Variants in DLC1 observed in about 807,000 individuals in gnomAD.
DLC1 encodes the protein rho GTPase-activating protein 7.
A neutral mutation model predicts 140.3 loss-of-function variants in DLC1; 54 were observed. The observed-to-expected ratio is 0.38, with a 90% CI of 0.31 to 0.48. DLC1 has a LOEUF of 0.48. DLC1 is among the 20% of genes least tolerant of loss of function. DLC1 has a pLI of 0.96. For synonymous variants in DLC1, 986 were observed against 728.1 expected, an observed-to-expected ratio of 1.35 and a Z score of -5.70; for missense variants, 2,536 against 1,907.0, an observed-to-expected ratio of 1.33 and a Z score of -6.14.
intron 2 of DLC1, among the ~76,000 whole-genome samples, chr8:13,469,831 A>G (rs1405326028): frequency 6.6e-6 from 1 of 152,214 alleles, no homozygotes; most frequent in Non-Finnish European, 1.5e-5. Context: ...AATGCCCCAA[A>G]GATTCTGAGA....
rs564531961 is a variant in DLC1, at chr8:13,454,763, A to T, written c.1023+44286T>A. Among the ~76,000 whole-genome samples the T allele has an allele frequency of 7.9e-5, 12 of 152,292 alleles. No homozygotes were observed. In the South Asian group the frequency reaches 2.5e-3, roughly 32 times the overall value. ...GAGACAGCGTCTCCTTATGTTGCCC[A>T]GGCTGGTCTCAAACTCCTGTCCTCA... On this transcript the variant is annotated intron_variant, in intron 2 of 17. Transcript: ENST00000276297.
intron 5 of DLC1, among the ~76,000 whole-genome samples, chr8:13,219,158 A>ATGTGAATATAATTATATAATTATATG (rs374583105): frequency 1.1e-3 from 49 of 45,820 alleles, no homozygotes; most frequent in African/African-American, 4.4e-3. Context: ...ATATAATTAT[A>ATGTGAATATAATTATATAATTATATG]TGAATATAAC....
At chr8:13,533,529 A>G (rs1803170915) in intron 1 of DLC1, among the ~76,000 whole-genome samples, 1 of 152,216 alleles carries the variant, frequency 6.6e-6, no homozygotes, top group African/African-American at 2.4e-5. Context: ...TGAAATCTCC[A>G]TAATCATGAA....
At chr8:13,542,614 T>A in intron 1 of DLC1, among the ~76,000 whole-genome samples, 1 of 152,176 alleles carries the variant, frequency 6.6e-6, no homozygotes, top group Non-Finnish European at 1.5e-5. Flanking sequence ...ATTGACCTTC[T>A]GATCAATATA....
intron 2 of DLC1, among the ~76,000 whole-genome samples, chr8:13,441,311 C>T (rs916698413): frequency 3.3e-5 from 5 of 152,158 alleles, no homozygotes; most frequent in Admixed American, 3.3e-4. Flanking sequence ...GACAGGGATG[C>T]CCTCTCTCAC....
intron 5 of DLC1, among the ~76,000 whole-genome samples, chr8:13,141,031 G>T (rs1229688198): frequency 6.6e-6 from 1 of 152,050 alleles, no homozygotes; most frequent in African/African-American, 2.4e-5. Context: ...GAGGCGTGTG[G>T]ATCACGTGGG....
chr8:13,134,501 G>T (rs1458113381), intron 5 of DLC1, among the ~76,000 whole-genome samples: 1 of 152,178 alleles, frequency 6.6e-6, no homozygotes, highest in South Asian at 2.1e-4. Context: ...AAGCAGGGAG[G>T]TAATATTGGA....
At chr8:13,231,888 T>C (rs1829061586) in intron 5 of DLC1, among the ~76,000 whole-genome samples, 1 of 152,214 alleles carries the variant, frequency 6.6e-6, no homozygotes, top group Admixed American at 6.5e-5. Context: ...TGAATCTCAG[T>C]GAGTATTTTT....
At chr8:13,351,646 G>A (rs570087737) in intron 4 of DLC1, among the ~76,000 whole-genome samples, 38 of 152,252 alleles carry the variant, frequency 2.5e-4, no homozygotes, top group African/African-American at 8.2e-4. Flanking sequence ...TTTATGTGAC[G>A]TCTGCACTAC....
At position 13,453,496 on chromosome 8, in the gene DLC1, ATATATG is replaced by A. The variant is rs1477374932; in HGVS notation, c.1023+45547_1023+45552del. ...CATATATATGTATATATATACATAT[ATATATG>A]TATATATATATACATATATATATAT... On this transcript the variant is annotated intron_variant, in intron 2 of 17. Transcript: ENST00000276297. Among the ~76,000 whole-genome samples, 17 of 35,240 alleles carry A rather than the reference ATATATG, an allele frequency of 4.8e-4. 2 individuals are homozygous for A. The highest frequency in any genetic ancestry group is 2.1e-3 in the African/African-American group (16 of 7,544). 23.1% of individuals were successfully genotyped at this position (35,240 alleles called of 152,430 possible). A position where few individuals can be genotyped will look rare whatever the true frequency, so the allele number is the denominator to read the frequency against.
intron 4 of DLC1, among the ~76,000 whole-genome samples, chr8:13,344,961 A>G (rs1399110344): frequency 6.6e-6 from 1 of 152,198 alleles, no homozygotes; most frequent in Non-Finnish European, 1.5e-5. Flanking sequence ...ATGAGGGGAT[A>G]AAGGGGAACG....
chr8:13,283,368 A>T (rs1404501186), intron 5 of DLC1, among the ~76,000 whole-genome samples: 1 of 152,078 alleles, frequency 6.6e-6, no homozygotes, highest in African/African-American at 2.4e-5. Context: ...TATACGATAC[A>T]TTGTGAAGTA....
chr8:13,518,100 T>TA (rs1802649469), upstream of DLC1, among the ~76,000 whole-genome samples: 1 of 95,250 alleles, frequency 1.0e-5, no homozygotes, highest in East Asian at 3.1e-4. Flanking sequence ...ATCACCTTTC[T>TA]TTTTTTTGTT....
chr8:13,583,469 T>C (rs1456203786), intron 1 of DLC1, among the ~76,000 whole-genome samples: 1 of 152,198 alleles, frequency 6.6e-6, no homozygotes, highest in Non-Finnish European at 1.5e-5. Context: ...ATAATTCTAG[T>C]TCTCTTGCTA....
chr8:13,552,490 C>G (rs1803900067), intron 1 of DLC1, among the ~76,000 whole-genome samples: 1 of 150,714 alleles, frequency 6.6e-6, no homozygotes, highest in African/African-American at 2.4e-5. Context: ...CTATCATTCC[C>G]AACTATTTAA....
intron 1 of DLC1, among the ~76,000 whole-genome samples, chr8:13,561,366 G>A (rs941486198): frequency 6.6e-6 from 1 of 152,132 alleles, no homozygotes; most frequent in Non-Finnish European, 1.5e-5. Context: ...ACAAGTTTGG[G>A]AAGGGGTCTC....
At chr8:13,123,503 G>C (rs1214079855) in intron 5 of DLC1, among the ~76,000 whole-genome samples, 4 of 125,018 alleles carry the variant, frequency 3.2e-5, no homozygotes, top group Non-Finnish European at 4.9e-5. Flanking sequence ...ACCACAATGA[G>C]CTAATTTTTT....
chr8:13,162,897 G>T (rs957174376), intron 5 of DLC1, among the ~76,000 whole-genome samples: 2 of 152,284 alleles, frequency 1.3e-5, no homozygotes, highest in African/African-American at 4.8e-5. Flanking sequence ...CTACATTCCA[G>T]TCTGAAGACC....
chr8:13,560,335 C>A lies in DLC1; in HGVS notation c.-126+44202G>T, dbSNP rs369391977. 1.2e-3 allele frequency among the ~76,000 whole-genome samples: 188 copies of A among 152,108 alleles called. 1 individual carries two copies. Among genetic ancestry groups the A allele is most frequent in the African/African-American group, 4.3e-3 (177 of 41,388 alleles). ...AACTAATACTTTCTTAAAATAATTT[C>A]TTACTTAAGTATGAGATGTGAGCAG... On this transcript the variant is annotated intron_variant, in intron 1 of 1. Transcript: ENST00000631382.
Sources: allele counts gnomAD v4.1 joint callset (sites outside exome capture counted in the v4.1 genomes callset), GRCh38; gene constraint gnomAD v4.1.1; transcripts MANE v1.5; gene names NCBI Gene and HGNC (gene_info 2026-07-23, HGNC 2026-07-21).